The following ZNHIT6 variants were observed in gnomAD, a reference collection of about 807,000 sequenced individuals.
ZNHIT6 encodes box C/D snoRNA protein 1.
Under a neutral mutation model 57.2 loss-of-function variants are expected in ZNHIT6, and 45 were observed. That is an observed-to-expected ratio of 0.79 (90% CI 0.62 to 1.01). ZNHIT6 has a LOEUF of 1.01. Among genes scored for constraint, ZNHIT6 ranks in the 50% least tolerant of loss-of-function variants. The probability of loss-of-function intolerance (pLI) is 0.00; values close to 1 mark genes in which losing one functional copy is unlikely to be tolerated. For missense variants in ZNHIT6, 528 were observed against 567.3 expected, an observed-to-expected ratio of 0.93 and a Z score of 0.70; for synonymous variants, 188 against 190.0, an observed-to-expected ratio of 0.99 and a Z score of 0.09.
At chr1:85,663,319 G>A (rs937036119) in intron 8 of ZNHIT6, among the ~76,000 whole-genome samples, 1 of 152,154 alleles carries the variant, frequency 6.6e-6, no homozygotes, top group South Asian at 2.1e-4. Flanking sequence ...AGCATGAACT[G>A]AACTCTTGAC....
At chr1:85,684,183 A>C (rs1035105396) in intron 5 of ZNHIT6, among the ~76,000 whole-genome samples, 2 of 152,198 alleles carry the variant, frequency 1.3e-5, no homozygotes, top group African/African-American at 4.8e-5. Context: ...AGGGACTCCA[A>C]GATACCATGT....
At chr1:85,662,185 A>C (rs821387) in intron 8 of ZNHIT6, among the ~76,000 whole-genome samples, 136,272 of 150,274 alleles carry the variant, frequency 0.91, 62,393 homozygotes, top group Non-Finnish European at 0.97. Flanking sequence ...CCTCATAACC[A>C]CAAAAGACAA....
At chr1:85,706,774 G>A (rs1228439555) in intron 1 of ZNHIT6, among the ~76,000 whole-genome samples, 2 of 152,056 alleles carry the variant, frequency 1.3e-5, no homozygotes, top group Non-Finnish European at 2.9e-5. Flanking sequence ...CTATAATCAG[G>A]GAATGAGATT....
chr1:85,669,193 G>A (rs1211953107), intron 8 of ZNHIT6, among the ~76,000 whole-genome samples: 2 of 152,146 alleles, frequency 1.3e-5, no homozygotes, highest in Admixed American at 6.6e-5. Context: ...TAACTGGCCA[G>A]TAGTGAAAGG....
chr1:85,675,482 C>T (rs1423978780), intron 8 of ZNHIT6, among the ~76,000 whole-genome samples: 1 of 152,054 alleles, frequency 6.6e-6, no homozygotes, highest in East Asian at 1.9e-4. Context: ...TGCTGTCATC[C>T]AGGCTTTGTT....
chr1:85,677,406 T>G, intron 7 of ZNHIT6, 93 bp from the exon 8 acceptor site: 1 of 893,246 alleles, frequency 1.1e-6, no homozygotes, highest in Non-Finnish European at 1.6e-6. Context: ...CTAATAATAC[T>G]TAAAAGTTCA....
intron 8 of ZNHIT6, among the ~76,000 whole-genome samples, chr1:85,673,769 T>C (rs2100670271): frequency 6.6e-6 from 1 of 152,080 alleles, no homozygotes; most frequent in East Asian, 1.9e-4. Flanking sequence ...AACTGTAATG[T>C]ACTTTCCTTT....
At position 85,706,243 on chromosome 1, in the gene ZNHIT6, G is replaced by C. The variant is rs371489551; in HGVS notation, c.829+6C>G. ...GCCTCAATTTGCTATGCATAAAGTG[G>C]CTTACCACTTAGGAGATTCATTTCA... On this transcript the variant is annotated splice_donor_region_variant and intron_variant, in intron 3 of 9. Coordinates refer to ENST00000370574, the MANE Select transcript of ZNHIT6 (RefSeq NM_017953.4). 6 of 1,610,386 alleles carry C rather than the reference G, an allele frequency of 3.7e-6. No homozygotes were observed. The African/African-American group carries it at 8.0e-5, about 22-fold the overall frequency.
intron 4 of ZNHIT6, among the ~76,000 whole-genome samples, chr1:85,705,001 C>T (rs1020277394): frequency 1.3e-4 from 20 of 152,222 alleles, no homozygotes; most frequent in African/African-American, 3.4e-4. Flanking sequence ...GCAATCTAAT[C>T]CCTTCCCAAT....
At chr1:85,694,751 C>T (rs755849613) in intron 5 of ZNHIT6, among the ~76,000 whole-genome samples, 12 of 152,128 alleles carry the variant, frequency 7.9e-5, no homozygotes, top group Middle Eastern at 3.2e-3. Flanking sequence ...TGAGCCACCA[C>T]GGCTGGCCTC....
chr1:85,657,763 C>T, intron 9 of ZNHIT6, 84 bp downstream of exon 9: 1 of 1,328,966 alleles, frequency 7.5e-7, no homozygotes, highest in Non-Finnish European at 1.0e-6. Flanking sequence ...TGGGAAAACA[C>T]ATATAAAGAA....
intron 1 of ZNHIT6, among the ~76,000 whole-genome samples, chr1:85,707,309 A>G (rs1185725518): frequency 1.3e-5 from 2 of 152,164 alleles, no homozygotes; most frequent in African/African-American, 4.8e-5. Flanking sequence ...CTCTCAAAGG[A>G]ATACCGAGTA....
chr1:85,654,642 A>G (rs1300988823), intron 9 of ZNHIT6, among the ~76,000 whole-genome samples: 2 of 152,048 alleles, frequency 1.3e-5, no homozygotes, highest in African/African-American at 4.8e-5. Flanking sequence ...GAGGACAGAA[A>G]CTCGACCTTT....
In ZNHIT6 at chr1:85,708,369, A is replaced by C. The variant is rs113666853; in HGVS notation, c.-85T>G. ...AATAGGAGGAATTACCGGTCGGAAT[A>C]CCTACGGCGGCCCACGTGTGGAGCC... On this transcript the variant is annotated 5_prime_UTR_variant, in exon 1 of 10. Coordinates refer to ENST00000370574, the MANE Select transcript of ZNHIT6 (RefSeq NM_017953.4). 2 of 1,485,264 alleles carry C rather than the reference A, an allele frequency of 1.3e-6. No individual in the cohort carries two copies. Among genetic ancestry groups the C allele is most frequent in the Admixed American group, 2.2e-5 (1 of 45,752 alleles). 92.0% of individuals were successfully genotyped at this position (1,485,264 alleles called of 1,614,324 possible).
intron 8 of ZNHIT6, among the ~76,000 whole-genome samples, chr1:85,669,821 C>T (rs1398922403): frequency 6.6e-6 from 1 of 152,178 alleles, no homozygotes; most frequent in Non-Finnish European, 1.5e-5. Context: ...CGGTATTTAT[C>T]ACATATCATT....
chr1:85,677,149 A>T, intron 8 of ZNHIT6, 87 bp downstream of exon 8: 1 of 913,142 alleles, frequency 1.1e-6, no homozygotes, highest in Non-Finnish European at 1.6e-6. Context: ...CTAGATAATT[A>T]GTTTAATAAC....
chr1:85,706,393 G>GT (rs751918754), intron 2 of ZNHIT6, 38 bp from the exon 3 acceptor site: 6 of 1,613,314 alleles, frequency 3.7e-6, no homozygotes, highest in Non-Finnish European at 5.1e-6. Context: ...ATATTTTAGG[G>GT]TAAGAAAGGT....
intron 8 of ZNHIT6, among the ~76,000 whole-genome samples, chr1:85,667,399 C>G (rs556011149): frequency 2.4e-4 from 37 of 152,188 alleles, no homozygotes; most frequent in African/African-American, 8.2e-4. Context: ...TTTGGGAAAA[C>G]TTATTCAGGG....
chr1:85,702,076 A>G (rs954709657), intron 5 of ZNHIT6, 81 bp downstream of exon 5: 2 of 867,040 alleles, frequency 2.3e-6, no homozygotes, highest in Admixed American at 5.2e-5. Flanking sequence ...TTGGGGTAGC[A>G]ATGCTCTATA....
Sources: allele counts gnomAD v4.1 joint callset (sites outside exome capture counted in the v4.1 genomes callset), GRCh38; gene constraint gnomAD v4.1.1; transcripts MANE v1.5; gene names NCBI Gene and HGNC (gene_info 2026-07-23, HGNC 2026-07-21).